The following JHY variants were observed in gnomAD, a reference collection of about 807,000 sequenced individuals.
JHY encodes the protein junctional cadherin complex regulator, also known as jhy protein homolog.
A neutral mutation model predicts 78.0 loss-of-function variants in JHY; 69 were observed. The observed-to-expected ratio is 0.88, with a 90% confidence interval of 0.73 to 1.08. JHY has a LOEUF of 1.08. Among genes scored for constraint, JHY ranks in the 50% least tolerant of loss-of-function variants. The probability of loss-of-function intolerance (pLI) is 0.00; values close to 1 mark genes in which losing one functional copy is unlikely to be tolerated. For synonymous variants in JHY, 368 were observed against 342.6 expected, an observed-to-expected ratio of 1.07 and a Z score of -0.82; for missense variants, 944 against 927.8, an observed-to-expected ratio of 1.02 and a Z score of -0.23.
intron 2 of JHY, among the ~76,000 whole-genome samples, chr11:122,895,450 T>C (rs909799974): frequency 6.6e-6 from 1 of 152,232 alleles, no homozygotes; most frequent in Non-Finnish European, 1.5e-5. Flanking sequence ...GCTCTAATTT[T>C]AGTAATTTTT....
At chr11:122,930,296 G>C (rs1863609771) in intron 4 of JHY, among the ~76,000 whole-genome samples, 1 of 151,918 alleles carries the variant, frequency 6.6e-6, no homozygotes, top group African/African-American at 2.4e-5. Flanking sequence ...TGTCAAGCTG[G>C]TCTCAACTCC....
intron 2 of JHY, among the ~76,000 whole-genome samples, chr11:122,893,245 T>C (rs1862663879): frequency 1.3e-5 from 2 of 152,230 alleles, no homozygotes; most frequent in Non-Finnish European, 2.9e-5. Flanking sequence ...TAGTCATTTC[T>C]GTTTTCTGTT....
chr11:122,888,093 A>C (rs770487757), intron 2 of JHY, among the ~76,000 whole-genome samples: 12 of 151,718 alleles, frequency 7.9e-5, no homozygotes, highest in Non-Finnish European at 1.5e-4. Flanking sequence ...AATCAATCTC[A>C]TAAGTGTCTT....
chr11:122,919,800 G>A (rs957765553), intron 3 of JHY, among the ~76,000 whole-genome samples: 1 of 152,060 alleles, frequency 6.6e-6, no homozygotes, highest in African/African-American at 2.4e-5. Flanking sequence ...CTAACATGGC[G>A]AAACCCCGTC....
chr11:122,930,415 A>T (rs1863613497), intron 4 of JHY, among the ~76,000 whole-genome samples: 1 of 152,212 alleles, frequency 6.6e-6, no homozygotes, highest in South Asian at 2.1e-4. Context: ...GGATGTATTC[A>T]AGTGAATGTT....
At chr11:122,955,396 C>T (rs1015047325) in intron 6 of JHY, among the ~76,000 whole-genome samples, 1 of 152,160 alleles carries the variant, frequency 6.6e-6, no homozygotes, top group Non-Finnish European at 1.5e-5. Context: ...GCTGGCATTA[C>T]AGGCATGAGT....
Position 122,960,102 on chromosome 11 carries a change from C to A in JHY, c.*657C>A, listed in dbSNP as rs747603706. On this transcript the variant is annotated 3_prime_UTR_variant, in exon 9 of 9. Transcript: ENST00000227349. Reference sequence around the variant, plus strand: ...TACAAAAATTAGCTAGGCGTGGTGGCGCATGTCTATAGTTCCAGGTACTCA... The same window carrying A: ...TACAAAAATTAGCTAGGCGTGGTGGAGCATGTCTATAGTTCCAGGTACTCA... Among the ~76,000 whole-genome samples the A allele has an allele frequency of 1.9e-4, 29 of 152,120 alleles. No homozygotes were observed. Among genetic ancestry groups the A allele is most frequent in the South Asian group, 6.2e-4 (3 of 4,818 alleles).
Position 122,962,486 on chromosome 11 carries a change from T to C in JHY, c.*3041T>C, listed in dbSNP as rs1864335715. ...TTTCAGTGGGATTTGGAAAATGTAA[T>C]ATATGAGGCATTAGACAGGAAAATC... On this transcript the variant is annotated 3_prime_UTR_variant, in exon 9 of 9. Coordinates refer to ENST00000227349, the MANE Select transcript of JHY (RefSeq NM_024806.4). Among the ~76,000 whole-genome samples, 1 of 152,172 alleles carries C rather than the reference T, an allele frequency of 6.6e-6. No homozygotes were observed. The highest frequency in any genetic ancestry group is 6.5e-5 in the Admixed American group (1 of 15,278).
chr11:122,917,174 G>C lies in JHY; in HGVS notation c.865-7723G>C, dbSNP rs1863249852. Among the ~76,000 whole-genome samples, 1 of 152,128 alleles carries C rather than the reference G, an allele frequency of 6.6e-6. No homozygotes were observed. Among genetic ancestry groups the C allele is most frequent in the Admixed American group, 6.6e-5 (1 of 15,264 alleles). On this transcript the variant is annotated intron_variant, in intron 3 of 8. Coordinates refer to ENST00000227349, the MANE Select transcript of JHY (RefSeq NM_024806.4). The surrounding 1 kb of genome is among the most constrained non-coding windows in gnomAD (Gnocchi z 4.1). ...TTGGGAACAAATGGAAAAGACTCTT[G>C]GTAAACATACAACTCAACAAGTGGA...
At chr11:122,893,977 A>G (rs914375017) in intron 2 of JHY, among the ~76,000 whole-genome samples, 1 of 152,148 alleles carries the variant, frequency 6.6e-6, no homozygotes, top group Non-Finnish European at 1.5e-5. Context: ...CCTTCTTATG[A>G]TATCACAGCT....
rs1028987506 is a variant in JHY at position 122,935,027 on chromosome 11, T to C, written c.1586T>C (p.Leu529Pro). 5 of 1,608,756 alleles carry C rather than the reference T, an allele frequency of 3.1e-6. No homozygotes were observed. Among genetic ancestry groups the C allele is most frequent in the Non-Finnish European group, 3.4e-6 (4 of 1,178,590 alleles). ...THGSTKNKKQLKQPYTETKYR... is the reference protein window; with the variant it reads ...THGSTKNKKQPKQPYTETKYR... ...GGATCAACCAAAAATAAGAAACAACTCAAACAGCCTTATACAGAGACAAAA... is the reference window on the plus strand; with the variant it reads ...GGATCAACCAAAAATAAGAAACAACCCAAACAGCCTTATACAGAGACAAAA... Residue 529 changes from leucine to proline, a missense_variant, in exon 5 of 9, where the codon CTC (leucine) becomes CCC (proline). Transcript: ENST00000227349. The surrounding 1 kb of genome is among the most constrained non-coding windows in gnomAD (Gnocchi z 4.5).
In JHY at chr11:122,959,241, C is replaced by T. The variant is rs770518570; in HGVS notation, c.2140-7C>T. On this transcript the variant is annotated splice_polypyrimidine_tract_variant and splice_region_variant and intron_variant, in intron 8 of 8. Transcript: ENST00000227349. The stretch of plus-strand genomic sequence containing the variant: ...TTTCAAATAAAATTTCATCTTTATG[C>T]GTTTAGGCTTTGGAATACGCTAAGA... The T allele has an allele frequency of 1.3e-5, 21 of 1,610,592 alleles. No homozygotes were observed. Among genetic ancestry groups the T allele is most frequent in the African/African-American group, 5.4e-5 (4 of 74,708 alleles).
intron 3 of JHY, among the ~76,000 whole-genome samples, chr11:122,915,783 G>A (rs560784524): frequency 6.6e-6 from 1 of 152,200 alleles, no homozygotes; most frequent in South Asian, 2.1e-4. Flanking sequence ...CGAAGTGATG[G>A]GATTACAGGT....
Position 122,886,059 on chromosome 11 carries a change from G to A in JHY, c.210G>A (p.Glu70=), listed in dbSNP as rs1862489365. ...FDDRIRGNGM[E]PDSLDEEESP... is the part of the protein sequence containing the mutation. Reference sequence around the variant, plus strand: ...ATCGAATCCGGGGCAACGGTATGGAGCCCGACAGCTTAGACGAGGAGGAAA... The same window carrying A: ...ATCGAATCCGGGGCAACGGTATGGAACCCGACAGCTTAGACGAGGAGGAAA... The change falls in exon 2 of 9, where the codon GAG becomes GAA. Residue 70 remains glutamate (E), a synonymous_variant. Coordinates refer to ENST00000227349, the MANE Select transcript of JHY (RefSeq NM_024806.4). The A allele has an allele frequency of 6.2e-7, 1 of 1,614,164 alleles. No homozygotes were observed. The highest frequency in any genetic ancestry group is 8.5e-7 in the Non-Finnish European group (1 of 1,180,036).
intron 2 of JHY, among the ~76,000 whole-genome samples, chr11:122,897,423 G>A (rs1277727024): frequency 6.6e-6 from 1 of 152,042 alleles, no homozygotes; most frequent in Non-Finnish European, 1.5e-5. Context: ...AGAGACGAGG[G>A]GTTTCTCTGT....
intron 4 of JHY, among the ~76,000 whole-genome samples, chr11:122,925,536 A>G (rs537276030): frequency 6.6e-6 from 1 of 152,318 alleles, no homozygotes; most frequent in South Asian, 2.1e-4. Context: ...GAAATCATAA[A>G]TGTGATTTCA....
At chr11:122,899,646 C>T (rs1188919217) in intron 2 of JHY, among the ~76,000 whole-genome samples, 2 of 152,232 alleles carry the variant, frequency 1.3e-5, no homozygotes, top group Non-Finnish European at 2.9e-5. Context: ...CGAAAGATCA[C>T]TTGCAGTCCC....
intron 2 of JHY, 142 bp from the exon 3 acceptor site, chr11:122,903,783 G>C: frequency 1.7e-6 from 2 of 1,189,568 alleles, no homozygotes; most frequent in Non-Finnish European, 2.3e-6. Context: ...CACGCTGCTG[G>C]GATTTGTGTT....
At chr11:122,920,182 CT>C (rs1346543241) in intron 3 of JHY, among the ~76,000 whole-genome samples, 1 of 152,216 alleles carries the variant, frequency 6.6e-6, no homozygotes, top group Non-Finnish European at 1.5e-5. Flanking sequence ...GAAATAAATA[CT>C]TCAGCTCACT....
Sources: allele counts gnomAD v4.1 joint callset (sites outside exome capture counted in the v4.1 genomes callset), GRCh38; gene constraint gnomAD v4.1.1; non-coding constraint Gnocchi (gnomAD v3.1); transcripts MANE v1.5; gene names NCBI Gene and HGNC (gene_info 2026-07-23, HGNC 2026-07-21).